FAM228B: variants seen among roughly 807,000 people sequenced by gnomAD.
The protein encoded by FAM228B is protein FAM228B.
In FAM228B, 38 loss-of-function variants were observed where a neutral mutation model predicts 42.6. That is an observed-to-expected ratio of 0.89 (90% confidence interval 0.69 to 1.17). The LOEUF is 1.17. Among genes scored for constraint, FAM228B ranks in the 50% most tolerant of loss-of-function variants. The probability of loss-of-function intolerance (pLI) is 0.00; values close to 1 mark genes in which losing one functional copy is unlikely to be tolerated. For synonymous variants in FAM228B, 109 were observed against 122.3 expected (o/e 0.89, Z 0.72); for missense variants, 344 against 367.3 (o/e 0.94, Z 0.52).
intron 7 of FAM228B, among the ~76,000 whole-genome samples, chr2:24,159,562 TACATCCAAGAGGAA>T (rs1187193642): frequency 6.6e-6 from 1 of 152,200 alleles, no homozygotes; most frequent in African/African-American, 2.4e-5. Context: ...CTAGTTTGGG[TACATCCAAGAGGAA>T]ACATCCCATC....
intron 2 of FAM228B, among the ~76,000 whole-genome samples, chr2:24,087,777 ATT>A (rs34256592): frequency 7.1e-4 from 91 of 128,178 alleles, no homozygotes; most frequent in South Asian, 2.0e-3. Context: ...CACCAGGGTA[ATT>A]TTTTTTTTTT....
intron 7 of FAM228B, among the ~76,000 whole-genome samples, chr2:24,155,092 C>T (rs537012531): frequency 2.0e-5 from 3 of 152,064 alleles, no homozygotes; most frequent in Admixed American, 2.0e-4. Flanking sequence ...AGGTTTAACT[C>T]TGATGGTATA....
intron 3 of FAM228B, among the ~76,000 whole-genome samples, chr2:24,107,342 ACCCC>A (rs1344210870): frequency 6.6e-6 from 1 of 152,172 alleles, no homozygotes; most frequent in African/African-American, 2.4e-5. Context: ...AGACTTCAAC[ACCCC>A]ACTGACAGTA....
rs370139617 is a variant in FAM228B, at chr2:24,082,915, G to T, written c.-210+1960G>T. 1.2e-5 allele frequency: 19 copies of T among 1,612,066 alleles called. 1 individual carries two copies. In the South Asian group the frequency reaches 2.1e-4, roughly 18 times the overall value. On this transcript the variant is annotated intron_variant, in intron 2 of 10. Transcript: ENST00000613899. Reference sequence around the variant, plus strand: ...AGATGTAACAGCTGGAAGGCGGTGAGCCAGGCCTCTGGGATGGCTGCAGCC... The same window carrying T: ...AGATGTAACAGCTGGAAGGCGGTGATCCAGGCCTCTGGGATGGCTGCAGCC...
chr2:24,080,802 T>C lies in FAM228B; in HGVS notation c.-289-74T>C. The stretch of plus-strand genomic sequence containing the variant: ...CATCTCTTAAATTCCTGCTGAACTG[T>C]AGAAGCAGTTGTTTACCTTTGGTGA... On this transcript the variant is annotated intron_variant, in intron 1 of 10. Transcript: ENST00000613899. The surrounding 1 kb of genome is among the most constrained non-coding windows in gnomAD (Gnocchi z 4.7). The C allele has an allele frequency of 1.9e-6, 3 of 1,613,758 alleles. No homozygotes were observed. Among genetic ancestry groups the C allele is most frequent in the Non-Finnish European group, 2.5e-6 (3 of 1,179,632 alleles).
At chr2:24,157,217 T>C (rs1247504077) in intron 7 of FAM228B, among the ~76,000 whole-genome samples, 1 of 152,218 alleles carries the variant, frequency 6.6e-6, no homozygotes, top group Non-Finnish European at 1.5e-5. Context: ...TTTTCTTAAA[T>C]TTACTGACAC....
chr2:24,098,648 C>G (rs1216694510), intron 3 of FAM228B, among the ~76,000 whole-genome samples: 4 of 152,088 alleles, frequency 2.6e-5, no homozygotes, highest in Non-Finnish European at 5.9e-5. Context: ...TAATAGCCTA[C>G]CAACCAAAAA....
upstream of FAM228B, chr2:24,122,519 C>A (rs750324973): frequency 6.2e-7 from 1 of 1,613,426 alleles, no homozygotes; most frequent in Non-Finnish European, 8.5e-7. Context: ...TAACAATAAG[C>A]TCTGCAAATG....
At chr2:24,097,889 C>T (rs1665533549) in intron 3 of FAM228B, among the ~76,000 whole-genome samples, 1 of 152,116 alleles carries the variant, frequency 6.6e-6, no homozygotes, top group African/African-American at 2.4e-5. Flanking sequence ...GGAAGTAAAG[C>T]ACTCCTCAGC....
intron 3 of FAM228B, among the ~76,000 whole-genome samples, chr2:24,098,944 T>C (rs369064178): frequency 4.1e-4 from 62 of 152,144 alleles, no homozygotes; most frequent in African/African-American, 1.5e-3. Flanking sequence ...ATGATCAAGT[T>C]GGCTTCATCC....
At chr2:24,151,613 A>AT (rs397726084) in intron 7 of FAM228B, among the ~76,000 whole-genome samples, 96,812 of 137,306 alleles carry the variant, frequency 0.71, 34,630 homozygotes, top group African/African-American at 0.81. Flanking sequence ...TTTTTTGGTG[A>AT]TTTTTTTTTT....
chr2:24,092,670 C>T (rs72783625), intron 2 of FAM228B, among the ~76,000 whole-genome samples: 24,408 of 152,088 alleles, frequency 0.16, 2,118 homozygotes, highest in South Asian at 0.21. Flanking sequence ...AAATAAAACA[C>T]ACCAATTATA....
At chr2:24,087,604 A>G (rs1034429098) in intron 2 of FAM228B, among the ~76,000 whole-genome samples, 4 of 151,712 alleles carry the variant, frequency 2.6e-5, no homozygotes, top group Admixed American at 6.6e-5. Flanking sequence ...ACACGCTATA[A>G]GAATTCTTTT....
At chr2:24,145,912 A>G (rs987584577) in intron 5 of FAM228B, among the ~76,000 whole-genome samples, 1 of 151,824 alleles carries the variant, frequency 6.6e-6, no homozygotes, top group Non-Finnish European at 1.5e-5. Flanking sequence ...GATGGTCTCA[A>G]TCTCCTGACC....
intron 2 of FAM228B, among the ~76,000 whole-genome samples, chr2:24,081,226 T>C (rs1334627126): frequency 1.3e-5 from 2 of 152,238 alleles, no homozygotes; most frequent in Non-Finnish European, 2.9e-5. Context: ...CATCTTGTTC[T>C]TTGGAGAAAG....
intron 3 of FAM228B, among the ~76,000 whole-genome samples, chr2:24,108,134 C>T (rs950687731): frequency 6.6e-6 from 1 of 152,148 alleles, no homozygotes; most frequent in African/African-American, 2.4e-5. Context: ...CCTTTAGAGA[C>T]TACTTTGAAT....
chr2:24,135,716 G>C (rs1666564963), intron 3 of FAM228B, among the ~76,000 whole-genome samples: 1 of 152,116 alleles, frequency 6.6e-6, no homozygotes, highest in African/African-American at 2.4e-5. Flanking sequence ...CAGAGGTTAG[G>C]GAGGGACTCG....
Position 24,084,452 on chromosome 2 carries a change from C to T in FAM228B, c.-210+3497C>T, listed in dbSNP as rs1665172088. 2 of 1,225,998 alleles carry T rather than the reference C, an allele frequency of 1.6e-6. No individual in the cohort carries two copies. The highest frequency in any genetic ancestry group is 3.4e-5 in the Admixed American group (1 of 29,412). 75.9% of individuals were successfully genotyped at this position (1,225,998 alleles called of 1,614,324 possible). ...GTATCCTCGCGGAGCAGCCCAGCCT[C>T]AGGCTGGCACCGCAGCGCCCCCTGC... On this transcript the variant is annotated intron_variant, in intron 2 of 10. Transcript: ENST00000613899. This position sits in a 1 kb window ranked among gnomAD's most constrained non-coding sequence, Gnocchi z 8.4.
chr2:24,114,030 T>C (rs974128369), intron 3 of FAM228B, among the ~76,000 whole-genome samples: 1 of 152,054 alleles, frequency 6.6e-6, no homozygotes, highest in Admixed American at 6.5e-5. Context: ...AGAAAAGGAA[T>C]GATGTTGGAA....
Sources: gnomAD v4.1 joint callset for allele counts (sites outside exome capture counted in the v4.1 genomes callset) on GRCh38, gnomAD v4.1.1 for gene constraint, Gnocchi (gnomAD v3.1) non-coding constraint, MANE v1.5 for transcripts, NCBI Gene and HGNC (gene_info 2026-07-23, HGNC 2026-07-21) for gene names.